The following SCN8A variants were observed in gnomAD, a reference collection of about 807,000 sequenced individuals.
The protein encoded by SCN8A is sodium voltage-gated channel alpha subunit 8.
Under a neutral mutation model 184.1 loss-of-function variants are expected in SCN8A, and 30 were observed. The ratio of observed to expected loss-of-function variants is 0.16; its 90% CI spans 0.12 to 0.22. SCN8A has a LOEUF of 0.22. Among genes scored for constraint, SCN8A ranks in the 10% least tolerant of loss-of-function variants. The pLI is 1.00. For synonymous variants in SCN8A, 852 were observed against 907.0 expected (o/e 0.94, Z 1.09); for missense variants, 1,057 against 2,498.9 (o/e 0.42, Z 12.30).
intron 1 of SCN8A, among the ~76,000 whole-genome samples, chr12:51,623,494 A>G (rs1331156506): frequency 6.6e-6 from 1 of 152,174 alleles, no homozygotes; most frequent in Non-Finnish European, 1.5e-5. Flanking sequence ...TACACATGTA[A>G]AGCAGGTTCA....
Position 51,751,358 on chromosome 12 carries a change from T to G in SCN8A, c.2135T>G (p.Leu712Arg). Residue 712 changes from leucine (L) to arginine (R), a missense_variant, in exon 14 of 27, where the codon CTG becomes CGG. Transcript: ENST00000627620. ...TCTTTGTTCTTACTTACTGTAGAAC[T>G]GGAAGAGTCTCAGAGAAAGTGCCCG... is the stretch of plus-strand genomic sequence containing the variant. ...SVVTNTLVEE[L>R]EESQRKCPPC... is the part of the protein sequence containing the mutation. 6.2e-7 allele frequency: 1 copy of G among 1,611,176 alleles called. No individual in the cohort carries two copies. The highest frequency in any genetic ancestry group is 8.5e-7 in the Non-Finnish European group (1 of 1,177,816).
intron 1 of SCN8A, among the ~76,000 whole-genome samples, chr12:51,638,756 A>G (rs1349278477): frequency 6.6e-6 from 1 of 152,104 alleles, no homozygotes; most frequent in Non-Finnish European, 1.5e-5. Flanking sequence ...AAGTGCTGGG[A>G]TTATAGGCAT....
In SCN8A at chr12:51,693,962, C is replaced by T. The variant is rs79825173; in HGVS notation, c.706+4866C>T. ...ATATATATTTTTTGAGACGGAGTTT[C>T]GCTGTTGTCACGCAGGCTGGAGTGC... On this transcript the variant is annotated intron_variant, in intron 6 of 26. Coordinates refer to ENST00000627620, the MANE Select transcript of SCN8A (RefSeq NM_001330260.2). Among the ~76,000 whole-genome samples the T allele has an allele frequency of 3.0e-3, 462 of 152,222 alleles. 2 individuals are homozygous for T. The highest frequency in any genetic ancestry group is 9.8e-3 in the African/African-American group (406 of 41,530).
At position 51,774,071 on chromosome 12, in the gene SCN8A, G is replaced by C. The variant is rs996613799; in HGVS notation, c.3646-118G>C. On this transcript the variant is annotated intron_variant, in intron 19 of 26. Transcript: ENST00000627620. ...TGTGTAGTCGGGGAGTAAAGCGAAG[G>C]AGACAGGGAGCTGATGACAGGCCAG... 1.3e-5 allele frequency: 9 copies of C among 702,620 alleles called. No homozygotes were observed. In the African/African-American group the frequency reaches 1.4e-4, roughly 11 times the overall value. 43.5% of individuals were successfully genotyped at this position (702,620 alleles called of 1,614,324 possible).
At chr12:51,740,596 G>T (rs1942406701) in intron 12 of SCN8A, among the ~76,000 whole-genome samples, 1 of 152,180 alleles carries the variant, frequency 6.6e-6, no homozygotes, top group African/African-American at 2.4e-5. Context: ...AATAATCCAT[G>T]TGCTAAGGGC....
chr12:51,780,601 T>TTC, intron 20 of SCN8A, 48 bp from the exon 21 acceptor site: 5 of 433,412 alleles, frequency 1.2e-5, no homozygotes, highest in South Asian at 2.6e-5. Flanking sequence ...TTTTTTTTTT[T>TTC]TTTGGTTACC....
chr12:51,623,998 A>T (rs1378598162), intron 1 of SCN8A, among the ~76,000 whole-genome samples: 2 of 152,102 alleles, frequency 1.3e-5, no homozygotes, highest in African/African-American at 4.8e-5. Flanking sequence ...CATTTTCTTA[A>T]TCCAGTCTAT....
At chr12:51,716,278 C>T (rs1941963278) in intron 11 of SCN8A, among the ~76,000 whole-genome samples, 2 of 152,110 alleles carry the variant, frequency 1.3e-5, no homozygotes, top group South Asian at 4.1e-4. Flanking sequence ...TCACTTGAGC[C>T]CAGGAGGTTG....
chr12:51,738,765 A>T (rs904720970), intron 12 of SCN8A, among the ~76,000 whole-genome samples: 3 of 152,230 alleles, frequency 2.0e-5, no homozygotes, highest in African/African-American at 7.2e-5. Context: ...TTAAACTTAA[A>T]CTAGGCCTTC....
intron 12 of SCN8A, chr12:51,722,129 C>T: frequency 3.1e-6 from 2 of 651,086 alleles, no homozygotes; most frequent in Non-Finnish European, 5.2e-6. Context: ...TATTACTCAC[C>T]CTGTCTTCTC....
chr12:51,615,301 T>G (rs1229743654), intron 1 of SCN8A, among the ~76,000 whole-genome samples: 1 of 152,200 alleles, frequency 6.6e-6, no homozygotes, highest in Non-Finnish European at 1.5e-5. Flanking sequence ...ACACCTATAA[T>G]CCAAACACTT....
At chr12:51,697,640 A>G (rs982205048) in intron 6 of SCN8A, among the ~76,000 whole-genome samples, 1 of 152,214 alleles carries the variant, frequency 6.6e-6, no homozygotes, top group African/African-American at 2.4e-5. Flanking sequence ...AGTGATAACA[A>G]GTGTTGAGTG....
intron 1 of SCN8A, among the ~76,000 whole-genome samples, chr12:51,641,450 A>G (rs1485591729): frequency 6.6e-6 from 1 of 152,206 alleles, no homozygotes; most frequent in Non-Finnish European, 1.5e-5. Context: ...AGCACACAGA[A>G]TGGAGAGTCA....
At chr12:51,743,795 A>C (rs1258255703) in intron 12 of SCN8A, among the ~76,000 whole-genome samples, 1 of 152,132 alleles carries the variant, frequency 6.6e-6, no homozygotes, top group Non-Finnish European at 1.5e-5. Context: ...GTGGGTACAG[A>C]CATGTTGTCC....
intron 13 of SCN8A, among the ~76,000 whole-genome samples, chr12:51,748,585 G>A (rs944696823): frequency 7.2e-5 from 11 of 152,166 alleles, no homozygotes; most frequent in Non-Finnish European, 1.3e-4. Flanking sequence ...AAGTAGTGAT[G>A]TACTTGACAT....
intron 1 of SCN8A, among the ~76,000 whole-genome samples, chr12:51,598,589 C>G (rs970114344): frequency 1.3e-4 from 20 of 152,130 alleles, no homozygotes; most frequent in African/African-American, 4.6e-4. Flanking sequence ...TCAGAAGGCT[C>G]TGTTGACAGT....
At chr12:51,711,277 G>T (rs1456515672) in intron 11 of SCN8A, among the ~76,000 whole-genome samples, 2 of 152,146 alleles carry the variant, frequency 1.3e-5, no homozygotes, top group Non-Finnish European at 2.9e-5. Flanking sequence ...AATAAAACCA[G>T]GTTTTTGAGA....
intron 1 of SCN8A, among the ~76,000 whole-genome samples, chr12:51,641,259 C>T (rs1342397448): frequency 6.6e-6 from 1 of 152,166 alleles, no homozygotes; most frequent in Admixed American, 6.5e-5. Context: ...CACCATTTTA[C>T]ATAAGAGACT....
chr12:51,635,600 G>T (rs962172306), intron 1 of SCN8A, among the ~76,000 whole-genome samples: 1 of 152,146 alleles, frequency 6.6e-6, no homozygotes, highest in South Asian at 2.1e-4. Flanking sequence ...ATTAGGCTGA[G>T]TAATAAGATG....
Sources: gnomAD v4.1 joint callset for allele counts (sites outside exome capture counted in the v4.1 genomes callset) on GRCh38, gnomAD v4.1.1 for gene constraint, MANE v1.5 for transcripts, NCBI Gene and HGNC (gene_info 2026-07-23, HGNC 2026-07-21) for gene names.